STK3: variants seen among roughly 807,000 people sequenced by gnomAD.
STK3 encodes serine/threonine-protein kinase 3.
STK3 carries 41 observed loss-of-function variants against 58.0 expected under a neutral mutation model. That is an observed-to-expected ratio of 0.71 (90% CI 0.55 to 0.92). STK3 has a LOEUF of 0.92. STK3 is among the 40% of genes least tolerant of loss of function. The pLI is 0.00. For missense variants in STK3, 479 were observed against 602.7 expected (o/e 0.79, Z 2.15); for synonymous variants, 170 against 191.0 (o/e 0.89, Z 0.91).
chr8:98,463,213 A>T (rs1421495496), intron 10 of STK3, among the ~76,000 whole-genome samples: 1 of 152,186 alleles, frequency 6.6e-6, no homozygotes, highest in Non-Finnish European at 1.5e-5. Flanking sequence ...AAAAAGTCAA[A>T]ACTACTTTTT....
At chr8:98,745,469 C>CTT (rs1338118906) in intron 4 of STK3, among the ~76,000 whole-genome samples, 2 of 152,006 alleles carry the variant, frequency 1.3e-5, no homozygotes, top group Admixed American at 6.6e-5. Context: ...CACTCTCCTG[C>CTT]TTAAAGAACT....
intron 4 of STK3, among the ~76,000 whole-genome samples, chr8:98,724,795 G>A (rs1827681990): frequency 1.3e-5 from 2 of 152,142 alleles, no homozygotes; most frequent in African/African-American, 2.4e-5. Context: ...ACGAAGAAGA[G>A]TCAGACCATG....
intron 7 of STK3, among the ~76,000 whole-genome samples, chr8:98,587,055 G>A (rs1181340766): frequency 3.3e-5 from 5 of 152,024 alleles, no homozygotes; most frequent in African/African-American, 4.8e-5. Context: ...CCAGCTCCTG[G>A]ATTCGTTAAT....
intron 1 of STK3, among the ~76,000 whole-genome samples, chr8:98,784,515 G>C (rs931505143): frequency 6.6e-6 from 1 of 152,072 alleles, no homozygotes; most frequent in Non-Finnish European, 1.5e-5. Flanking sequence ...TCTACTCCCT[G>C]GCAAAAATCC....
the STK3 span, among the ~76,000 whole-genome samples, chr8:98,349,830 G>T: frequency 1.3e-5 from 2 of 152,096 alleles, no homozygotes; most frequent in Non-Finnish European, 2.9e-5. Flanking sequence ...CAAATCCCTA[G>T]ACTGCACACA....
At chr8:98,852,803 C>A (rs1002937775) in intron 3 of STK3, among the ~76,000 whole-genome samples, 12 of 152,170 alleles carry the variant, frequency 7.9e-5, no homozygotes, top group African/African-American at 2.9e-4. Context: ...TTAAAATAAA[C>A]CCCATGTTAC....
chr8:98,482,287 A>C (rs921691292), intron 10 of STK3, among the ~76,000 whole-genome samples: 2 of 152,242 alleles, frequency 1.3e-5, no homozygotes, highest in Non-Finnish European at 2.9e-5. Context: ...TCCTAAGAAC[A>C]ACTGAAGTTA....
At chr8:98,457,988 A>G (rs1819626494) in intron 10 of STK3, among the ~76,000 whole-genome samples, 1 of 152,150 alleles carries the variant, frequency 6.6e-6, no homozygotes, top group South Asian at 2.1e-4. Flanking sequence ...CAGGTCTGTG[A>G]TATTAGAGAA....
chr8:98,423,900 A>G (rs1818199352), intron 3 of STK3, among the ~76,000 whole-genome samples: 1 of 149,614 alleles, frequency 6.7e-6, no homozygotes, highest in Non-Finnish European at 1.5e-5. Context: ...AGGTCTCTTC[A>G]TCCCCCTTCC....
chr8:98,673,805 T>C (rs557421707), intron 6 of STK3, among the ~76,000 whole-genome samples: 49 of 152,160 alleles, frequency 3.2e-4, no homozygotes, highest in Non-Finnish European at 1.3e-4. Flanking sequence ...AAAAACAATT[T>C]ATTAACACCA....
At chr8:98,581,790 C>T (rs1380973288) in intron 7 of STK3, among the ~76,000 whole-genome samples, 2 of 151,870 alleles carry the variant, frequency 1.3e-5, no homozygotes, top group Non-Finnish European at 2.9e-5. Context: ...TTCCTTGAGT[C>T]CCACCATCTC....
intron 1 of STK3, among the ~76,000 whole-genome samples, chr8:98,778,258 A>G (rs1236370601): frequency 6.6e-6 from 1 of 152,270 alleles, no homozygotes; most frequent in African/African-American, 2.4e-5. Flanking sequence ...ACATTTATGC[A>G]GCCAAAAGAC....
intron 6 of STK3, among the ~76,000 whole-genome samples, chr8:98,644,829 C>T (rs1203586877): frequency 6.6e-6 from 1 of 152,080 alleles, no homozygotes; most frequent in African/African-American, 2.4e-5. Flanking sequence ...ACACAGTAAA[C>T]CCATACAAAC....
chr8:98,667,547 T>G (rs1379527454), intron 6 of STK3, among the ~76,000 whole-genome samples: 1 of 152,142 alleles, frequency 6.6e-6, no homozygotes, highest in African/African-American at 2.4e-5. Context: ...TTTGACTGAT[T>G]GGCAACACTT....
chr8:98,913,184 AAG>A (rs1174870596), intron 1 of STK3, among the ~76,000 whole-genome samples: 2 of 151,842 alleles, frequency 1.3e-5, no homozygotes, highest in Non-Finnish European at 2.9e-5. Flanking sequence ...AAAAACAAAT[AAG>A]AGCTTTCTTT....
At chr8:98,530,479 AG>A (rs778632751) in intron 9 of STK3, among the ~76,000 whole-genome samples, 4 of 152,204 alleles carry the variant, frequency 2.6e-5, no homozygotes, top group African/African-American at 9.7e-5. Context: ...GCCTGGTGCT[AG>A]TCCACTCTCA....
At chr8:98,420,013 C>T (rs556781357) in intron 3 of STK3, among the ~76,000 whole-genome samples, 15 of 152,304 alleles carry the variant, frequency 9.8e-5, no homozygotes, top group African/African-American at 3.4e-4. Context: ...TTTCCAAACA[C>T]CCAACTGGAC....
intron 8 of STK3, among the ~76,000 whole-genome samples, chr8:98,551,141 C>T (rs1055521647): frequency 8.5e-5 from 13 of 152,116 alleles, no homozygotes; most frequent in African/African-American, 2.2e-4. Context: ...AGGTCCTTCC[C>T]CTCTATCCAT....
intron 8 of STK3, among the ~76,000 whole-genome samples, chr8:98,548,404 G>A (rs1007521593): frequency 9.2e-5 from 14 of 152,160 alleles, no homozygotes; most frequent in African/African-American, 3.4e-4. Flanking sequence ...GCTGCTAGTT[G>A]CTTTTAAAAT....
Sources: gnomAD v4.1 joint callset for allele counts (sites outside exome capture counted in the v4.1 genomes callset) on GRCh38, gnomAD v4.1.1 for gene constraint, MANE v1.5 for transcripts, NCBI Gene and HGNC (gene_info 2026-07-23, HGNC 2026-07-21) for gene names.